Variants in DLG2 observed in about 807,000 individuals in gnomAD.
DLG2 encodes the protein disks large homolog 2.
A neutral mutation model predicts 132.5 loss-of-function variants in DLG2; 45 were observed. The observed-to-expected ratio is 0.34, with a 90% CI of 0.27 to 0.44. The LOEUF is 0.44. Among genes scored for constraint, DLG2 ranks in the 20% least tolerant of loss-of-function variants. The pLI is 1.00. For missense variants in DLG2, 1,045 were observed against 1,196.9 expected (o/e 0.87, Z 1.87); for synonymous variants, 424 against 419.6 (o/e 1.01, Z -0.13).
chr11:83,954,114 T>C (rs1282951013), intron 14 of DLG2, among the ~76,000 whole-genome samples: 1 of 152,206 alleles, frequency 6.6e-6, no homozygotes, highest in Non-Finnish European at 1.5e-5. Flanking sequence ...ACATAGGAAA[T>C]GATAAATATC....
chr11:83,879,753 C>T (rs1279704107), intron 15 of DLG2, among the ~76,000 whole-genome samples: 1 of 152,016 alleles, frequency 6.6e-6, no homozygotes, highest in Non-Finnish European at 1.5e-5. Context: ...TTATTATACA[C>T]CAGGGATTGT....
At chr11:85,612,146 T>C (rs1384384338) in intron 2 of DLG2, among the ~76,000 whole-genome samples, 1 of 152,206 alleles carries the variant, frequency 6.6e-6, no homozygotes, top group African/African-American at 2.4e-5. Context: ...TAATTGATAA[T>C]TGAAGGTCTT....
intron 7 of DLG2, among the ~76,000 whole-genome samples, chr11:84,459,521 G>GA (rs141746586): frequency 0.015 from 2,309 of 150,568 alleles, 50 homozygotes; most frequent in African/African-American, 0.052. Context: ...GGTTGTTTCT[G>GA]AAAAAATTAA....
At chr11:85,079,454 A>G (rs2066958684) in intron 6 of DLG2, among the ~76,000 whole-genome samples, 1 of 150,402 alleles carries the variant, frequency 6.6e-6, no homozygotes, top group Admixed American at 6.6e-5. Context: ...AAGAGAAGGG[A>G]TCAATTCAGT....
intron 11 of DLG2, among the ~76,000 whole-genome samples, chr11:84,037,591 G>A (rs117952699): frequency 0.011 from 1,638 of 152,128 alleles, 12 homozygotes; most frequent in Middle Eastern, 0.031. Flanking sequence ...ATATATCATG[G>A]ACAATGAAGG....
At chr11:84,498,884 C>G (rs1040190983) in intron 7 of DLG2, among the ~76,000 whole-genome samples, 3 of 152,070 alleles carry the variant, frequency 2.0e-5, no homozygotes, top group African/African-American at 4.8e-5. Flanking sequence ...AATACTGAGA[C>G]TGGGGTTGGA....
intron 4 of DLG2, among the ~76,000 whole-genome samples, chr11:85,166,354 T>C (rs1430845187): frequency 2.0e-5 from 3 of 152,314 alleles, no homozygotes; most frequent in African/African-American, 7.2e-5. Flanking sequence ...TTCAATTGCA[T>C]GCTTGTATTT....
At chr11:83,610,694 AAAT>A (rs1322511827) in intron 19 of DLG2, among the ~76,000 whole-genome samples, 1 of 152,094 alleles carries the variant, frequency 6.6e-6, no homozygotes, top group Admixed American at 6.5e-5. Context: ...TAATAATAAT[AAAT>A]AATGACTACC....
chr11:84,119,755 G>C (rs989609036), intron 9 of DLG2, among the ~76,000 whole-genome samples: 3 of 152,050 alleles, frequency 2.0e-5, no homozygotes, highest in African/African-American at 7.2e-5. Context: ...AAGAGTATAC[G>C]AATCTTTTTA....
chr11:85,288,470 A>T (rs2078694755), intron 3 of DLG2, among the ~76,000 whole-genome samples: 1 of 152,088 alleles, frequency 6.6e-6, no homozygotes, highest in African/African-American at 2.4e-5. Flanking sequence ...AGAAAACAAA[A>T]TATGTTTGCA....
At chr11:84,315,551 C>T (rs116150905) in intron 7 of DLG2, among the ~76,000 whole-genome samples, 330 of 152,250 alleles carry the variant, frequency 2.2e-3, no homozygotes, top group African/African-American at 7.4e-3. Context: ...GTGTTCACAA[C>T]TGTTAAGACT....
intron 18 of DLG2, among the ~76,000 whole-genome samples, chr11:83,642,991 A>G (rs961535222): frequency 6.6e-6 from 1 of 152,192 alleles, no homozygotes; most frequent in Non-Finnish European, 1.5e-5. Context: ...AAAACCGTGA[A>G]GCTCTCCTGA....
chr11:84,834,648 T>G (rs746329001), intron 6 of DLG2, among the ~76,000 whole-genome samples: 1 of 151,498 alleles, frequency 6.6e-6, no homozygotes, highest in African/African-American at 2.4e-5. Flanking sequence ...GGACTGAATA[T>G]GGAGTCTTTT....
chr11:84,449,339 G>A (rs1371547518), intron 7 of DLG2, among the ~76,000 whole-genome samples: 1 of 151,670 alleles, frequency 6.6e-6, no homozygotes, highest in Non-Finnish European at 1.5e-5. Context: ...AAAACAGAAA[G>A]AGCAGCTGCT....
intron 3 of DLG2, among the ~76,000 whole-genome samples, chr11:85,515,184 T>C (rs1461004668): frequency 6.6e-6 from 1 of 151,974 alleles, no homozygotes; most frequent in Non-Finnish European, 1.5e-5. Flanking sequence ...AATTTTGACC[T>C]AGTCCATCCA....
chr11:84,399,687 G>A (rs550306297), intron 7 of DLG2, among the ~76,000 whole-genome samples: 2 of 152,256 alleles, frequency 1.3e-5, no homozygotes, highest in East Asian at 3.9e-4. Flanking sequence ...AAAGTATTGG[G>A]ATTACAGGTG....
At chr11:84,286,328 C>A (rs143812298) in intron 7 of DLG2, among the ~76,000 whole-genome samples, 1 of 152,232 alleles carries the variant, frequency 6.6e-6, no homozygotes, top group East Asian at 1.9e-4. Context: ...GTGGTTAGGG[C>A]TTCTCATGTA....
intron 6 of DLG2, among the ~76,000 whole-genome samples, chr11:84,618,855 C>T (rs1002587318): frequency 1.3e-5 from 2 of 151,694 alleles, no homozygotes; most frequent in East Asian, 3.9e-4. Flanking sequence ...TTATCAGACA[C>T]ATAATTTAAA....
chr11:85,215,732 C>T (rs2082545486), intron 4 of DLG2, among the ~76,000 whole-genome samples: 1 of 152,148 alleles, frequency 6.6e-6, no homozygotes, highest in Non-Finnish European at 1.5e-5. Context: ...CAAATTTACT[C>T]TTCTTTGTTA....
Sources: gnomAD v4.1 joint callset for allele counts (sites outside exome capture counted in the v4.1 genomes callset) on GRCh38, gnomAD v4.1.1 for gene constraint, MANE v1.5 for transcripts, NCBI Gene and HGNC (gene_info 2026-07-23, HGNC 2026-07-21) for gene names.